NALCN: variants seen among roughly 807,000 people sequenced by gnomAD.
NALCN encodes the protein sodium leak channel, non-selective.
Under a neutral mutation model 225.3 loss-of-function variants are expected in NALCN, and 111 were observed. The ratio of observed to expected loss-of-function variants is 0.49; its 90% CI spans 0.42 to 0.58. The LOEUF is 0.58. Ranked by LOEUF, NALCN falls within the 20% of genes least tolerant of loss-of-function variation. NALCN has a pLI of 0.00. For synonymous variants in NALCN, 764 were observed against 769.0 expected, an observed-to-expected ratio of 0.99 and a Z score of 0.11; for missense variants, 1,378 against 2,202.4, an observed-to-expected ratio of 0.63 and a Z score of 7.49.
chr13:101,083,661 A>C (rs1432673827), intron 31 of NALCN, 50 bp downstream of exon 31: 31 of 1,539,118 alleles, frequency 2.0e-5, no homozygotes, highest in Admixed American at 8.8e-5. Flanking sequence ...CTCCTGGGGA[A>C]TCGTGCACAC....
intron 15 of NALCN, among the ~76,000 whole-genome samples, chr13:101,156,517 C>T (rs2037909335): frequency 6.6e-6 from 1 of 152,050 alleles, no homozygotes; most frequent in Non-Finnish European, 1.5e-5. Context: ...AACCCTCCAA[C>T]CATATGTATG....
intron 42 of NALCN, chr13:101,058,430 T>TTTTATAATA: frequency 6.8e-6 from 1 of 146,062 alleles, no homozygotes; most frequent in Non-Finnish European, 1.5e-5. Flanking sequence ...GCGGGGGCAG[T>TTTTATAATA]CTACTGTCAC....
chr13:101,384,989 G>A (rs1440565283), intron 3 of NALCN, among the ~76,000 whole-genome samples: 1 of 152,192 alleles, frequency 6.6e-6, no homozygotes, highest in Non-Finnish European at 1.5e-5. Flanking sequence ...GTAACTTCCA[G>A]AGTGAACTAT....
chr13:101,137,585 C>T (rs16958451), intron 17 of NALCN, among the ~76,000 whole-genome samples: 5,876 of 152,088 alleles, frequency 0.039, 317 homozygotes, highest in African/African-American at 0.12. Flanking sequence ...TCTTCAGATT[C>T]GAAGACACCG....
In NALCN at chr13:101,107,486, C is replaced by G. The variant is rs1020999876; in HGVS notation, c.2579+1G>C. ...ACCTGGCTGAAATGAAGTGTACTTA[C>G]GCGTTGAAGCGTGCTCGGACCACCA... On this transcript the variant is annotated splice_donor_variant, in intron 22 of 43. Transcript: ENST00000251127. LOFTEE classifies it high-confidence loss of function. The G allele has an allele frequency of 6.2e-7, 1 of 1,614,020 alleles. No individual in the cohort carries two copies. The highest frequency in any genetic ancestry group is 8.5e-7 in the Non-Finnish European group (1 of 1,179,922).
chr13:101,303,385 T>C (rs1158779786), intron 7 of NALCN, among the ~76,000 whole-genome samples: 3 of 152,154 alleles, frequency 2.0e-5, no homozygotes, highest in Non-Finnish European at 4.4e-5. Context: ...AAGGCCGTCA[T>C]TAGCACAGAG....
At chr13:101,325,183 A>G (rs2139209252) in intron 7 of NALCN, among the ~76,000 whole-genome samples, 1 of 152,312 alleles carries the variant, frequency 6.6e-6, no homozygotes, top group East Asian at 1.9e-4. Context: ...CAGATAAAGT[A>G]ACAAATGGGC....
chr13:101,111,349 A>G (rs2035426732), intron 18 of NALCN, 123 bp from the exon 19 acceptor site: 1 of 688,892 alleles, frequency 1.5e-6, no homozygotes, highest in African/African-American at 1.8e-5. Flanking sequence ...AAATACAGCA[A>G]ATAACGTATA....
At chr13:101,082,962 C>T (rs1594166788) in intron 32 of NALCN, 79 bp from the exon 33 acceptor site, 1 of 1,577,630 alleles carries the variant, frequency 6.3e-7, no homozygotes, top group Non-Finnish European at 8.7e-7. Context: ...GCCCACTTTG[C>T]CATTGACAGT....
intron 6 of NALCN, among the ~76,000 whole-genome samples, chr13:101,361,632 A>G (rs4772370): frequency 0.038 from 5,838 of 152,256 alleles, 168 homozygotes; most frequent in Admixed American, 0.078. Flanking sequence ...CAGCCACTTT[A>G]TTTAACTTTA....
intron 3 of NALCN, among the ~76,000 whole-genome samples, chr13:101,387,690 G>A (rs1184527520): frequency 6.6e-6 from 1 of 152,104 alleles, no homozygotes; most frequent in Non-Finnish European, 1.5e-5. Context: ...CTTAACAAAA[G>A]TTTTAAAAAT....
intron 17 of NALCN, among the ~76,000 whole-genome samples, chr13:101,140,395 T>A (rs772542026): frequency 1.3e-5 from 2 of 152,190 alleles, no homozygotes; most frequent in South Asian, 4.1e-4. Flanking sequence ...CATTTCCTTT[T>A]AGAGAGAAAA....
chr13:101,315,704 C>A (rs889887710), intron 7 of NALCN, among the ~76,000 whole-genome samples: 1 of 152,036 alleles, frequency 6.6e-6, no homozygotes, highest in Non-Finnish European at 1.5e-5. Flanking sequence ...TGATTAATAT[C>A]AAGTAATCAT....
At chr13:101,411,424 C>T (rs1038589475) in intron 1 of NALCN, among the ~76,000 whole-genome samples, 2 of 150,450 alleles carry the variant, frequency 1.3e-5, no homozygotes, top group Admixed American at 6.7e-5. Context: ...CTCGCTGCAA[C>T]CTCTGCCTCC....
intron 18 of NALCN, among the ~76,000 whole-genome samples, chr13:101,112,971 A>G (rs1182551459): frequency 2.0e-5 from 3 of 152,178 alleles, no homozygotes; most frequent in Non-Finnish European, 4.4e-5. Flanking sequence ...ATAAGAACTT[A>G]CTAAATATGT....
At position 101,359,182 on chromosome 13, in the gene NALCN, C is replaced by T. The variant is rs569670904; in HGVS notation, c.645-13762G>A. 4.9e-4 allele frequency among the ~76,000 whole-genome samples: 74 copies of T among 151,910 alleles called. 1 individual carries two copies. Among genetic ancestry groups the T allele is most frequent in the African/African-American group, 1.7e-3 (70 of 41,404 alleles). On this transcript the variant is annotated intron_variant, in intron 6 of 43. Coordinates refer to ENST00000251127, the MANE Select transcript of NALCN (RefSeq NM_052867.4). ...CACATTCTGCCCATGTATCCCACAACTTAAAGTAAAAATTTTTTAAAAAGC... is the reference window on the plus strand; with the variant it reads ...CACATTCTGCCCATGTATCCCACAATTTAAAGTAAAAATTTTTTAAAAAGC...
rs907636972 is a variant in NALCN, at chr13:101,371,436, A to C, written c.644+5264T>G. On this transcript the variant is annotated intron_variant, in intron 6 of 43. Transcript: ENST00000251127. ...TGGGCTCAAGTGATCATCCCACCTC[A>C]GTCTCCCAAAGTGCTGAGATTACAG... Among the ~76,000 whole-genome samples the C allele has an allele frequency of 2.0e-5, 3 of 152,150 alleles. No individual in the cohort carries two copies. In the East Asian group the frequency reaches 5.8e-4, roughly 29 times the overall value.
At chr13:101,153,443 G>A (rs769161018) in intron 15 of NALCN, among the ~76,000 whole-genome samples, 4 of 152,104 alleles carry the variant, frequency 2.6e-5, no homozygotes, top group South Asian at 2.1e-4. Context: ...ATTTCTTCTC[G>A]TTTGCTATGT....
At chr13:101,079,767 A>G (rs558318466) in intron 34 of NALCN, among the ~76,000 whole-genome samples, 2 of 152,316 alleles carry the variant, frequency 1.3e-5, no homozygotes, top group East Asian at 3.9e-4. Context: ...TTGCTGAGAA[A>G]ATACTTCAGG....
Sources: allele counts gnomAD v4.1 joint callset (sites outside exome capture counted in the v4.1 genomes callset), GRCh38; gene constraint gnomAD v4.1.1; transcripts MANE v1.5; gene names NCBI Gene and HGNC (gene_info 2026-07-23, HGNC 2026-07-21).